Variants in TMEM131L observed in about 807,000 individuals in gnomAD.
The protein encoded by TMEM131L is transmembrane protein 131-like.
A neutral mutation model predicts 192.2 loss-of-function variants in TMEM131L; 54 were observed. That is an observed-to-expected ratio of 0.28 (90% CI 0.23 to 0.35). The LOEUF is 0.35. Ranked by LOEUF, TMEM131L falls within the 10% of genes least tolerant of loss-of-function variation. TMEM131L has a pLI of 1.00. For synonymous variants in TMEM131L, 701 were observed against 704.9 expected (o/e 0.99, Z 0.09); for missense variants, 1,888 against 1,972.9 (o/e 0.96, Z 0.82).
At chr4:153,510,506 A>C (rs1734280633) in intron 3 of TMEM131L, among the ~76,000 whole-genome samples, 1 of 152,118 alleles carries the variant, frequency 6.6e-6, no homozygotes, top group Non-Finnish European at 1.5e-5. Flanking sequence ...GGATAATTAA[A>C]ATACTGCTGG....
At chr4:153,536,676 G>A (rs953091303) in intron 3 of TMEM131L, among the ~76,000 whole-genome samples, 1 of 152,098 alleles carries the variant, frequency 6.6e-6, no homozygotes, top group African/African-American at 2.4e-5. Flanking sequence ...AGAATCGATC[G>A]ATCTATCTAG....
chr4:153,562,101 G>A lies in TMEM131L; in HGVS notation c.660+3733G>A, dbSNP rs148663346. On this transcript the variant is annotated intron_variant, in intron 7 of 34. Coordinates refer to ENST00000409959, the MANE Select transcript of TMEM131L (RefSeq NM_001131007.2). ...TGCCTAGGCTAGAGTGCAGTGGTGC[G>A]ATCTCAGCTCACTGCAACCTCCGCC... Among the ~76,000 whole-genome samples, 776 of 150,810 alleles carry A rather than the reference G, an allele frequency of 5.1e-3. 7 individuals are homozygous for A. The highest frequency in any genetic ancestry group is 0.018 in the African/African-American group (721 of 40,946).
chr4:153,525,202 T>C (rs1488447370), intron 3 of TMEM131L, among the ~76,000 whole-genome samples: 1 of 152,258 alleles, frequency 6.6e-6, no homozygotes, highest in African/African-American at 2.4e-5. Context: ...ATCAGGCATA[T>C]ATTGGAAAGT....
At chr4:153,538,320 C>T (rs555504466) in intron 3 of TMEM131L, among the ~76,000 whole-genome samples, 9 of 152,270 alleles carry the variant, frequency 5.9e-5, no homozygotes, top group East Asian at 3.9e-4. Context: ...GGTCCTTGTA[C>T]GTCCCTGCAG....
At chr4:153,486,150 C>T (rs1732315407) in intron 3 of TMEM131L, among the ~76,000 whole-genome samples, 1 of 151,958 alleles carries the variant, frequency 6.6e-6, no homozygotes, top group East Asian at 1.9e-4. Flanking sequence ...CTAGCAAATC[C>T]CTGAAAAAAA....
At chr4:153,575,518 AT>A (rs1305226076) in intron 7 of TMEM131L, among the ~76,000 whole-genome samples, 1 of 151,248 alleles carries the variant, frequency 6.6e-6, no homozygotes, top group Non-Finnish European at 1.5e-5. Context: ...GAAAAACCTG[AT>A]TTTTTTTTCT....
intron 3 of TMEM131L, among the ~76,000 whole-genome samples, chr4:153,477,918 A>T (rs1282695945): frequency 2.0e-5 from 3 of 152,210 alleles, no homozygotes; most frequent in African/African-American, 7.2e-5. Flanking sequence ...AAATTTTAGA[A>T]GAACATTTTG....
In TMEM131L at chr4:153,626,135, C is replaced by A. The variant is rs762050358; in HGVS notation, c.4046-12C>A. On this transcript the variant is annotated splice_polypyrimidine_tract_variant and intron_variant, in intron 29 of 34. Coordinates refer to ENST00000409959, the MANE Select transcript of TMEM131L (RefSeq NM_001131007.2). ...TTTTGAAACTTGTGATAATGTGTTT[C>A]TTTTAATGCAGGAGACAGTGTTTCA... is the stretch of plus-strand genomic sequence containing the variant. 2 of 1,582,430 alleles carry A rather than the reference C, an allele frequency of 1.3e-6. No individual in the cohort carries two copies. Among genetic ancestry groups the A allele is most frequent in the Admixed American group, 1.7e-5 (1 of 59,444 alleles).
At chr4:153,620,683 GTCTTCAAACATT>G in intron 26 of TMEM131L, 61 bp from the exon 27 acceptor site, 1 of 944,134 alleles carries the variant, frequency 1.1e-6, no homozygotes, top group East Asian at 3.0e-5. Context: ...GATGGAGTTG[GTCTTCAAACATT>G]TAAACATGTT....
intron 3 of TMEM131L, among the ~76,000 whole-genome samples, chr4:153,479,665 A>G (rs1731784966): frequency 6.6e-6 from 1 of 152,204 alleles, no homozygotes; most frequent in South Asian, 2.1e-4. Flanking sequence ...TTGTTTTTAA[A>G]ATGTACTTTT....
At chr4:153,518,166 C>T (rs1010345542) in intron 3 of TMEM131L, among the ~76,000 whole-genome samples, 3 of 152,104 alleles carry the variant, frequency 2.0e-5, no homozygotes, top group Admixed American at 6.6e-5. Context: ...GAATTGAGGC[C>T]GAGGTCAGTC....
At chr4:153,632,897 T>G in intron 32 of TMEM131L, 59 bp downstream of exon 32, 1 of 1,591,738 alleles carries the variant, frequency 6.3e-7, no homozygotes, top group African/African-American at 1.3e-5. Flanking sequence ...CAGTTGGAAT[T>G]TGAGTTCAGT....
Position 153,619,603 on chromosome 4 carries a change from T to G in TMEM131L, c.3568-1153T>G, listed in dbSNP as rs575986503. ...ACAAATCCCATTTTGCTTCTAGTTT[T>G]TATTTACTGTGGTGTGCACATTGCT... On this transcript the variant is annotated intron_variant, in intron 26 of 34. Transcript: ENST00000409959. Among the ~76,000 whole-genome samples, 20 of 152,388 alleles carry G rather than the reference T, an allele frequency of 1.3e-4. 1 individual carries two copies. The highest frequency in any genetic ancestry group is 4.6e-4 in the African/African-American group (19 of 41,592).
At chr4:153,514,898 C>T (rs1174349195) in intron 3 of TMEM131L, among the ~76,000 whole-genome samples, 4 of 152,000 alleles carry the variant, frequency 2.6e-5, no homozygotes, top group East Asian at 1.9e-4. Flanking sequence ...CTGCAACTTC[C>T]GCCTCCTGGG....
At chr4:153,617,086 GA>G (rs1733023757) in intron 26 of TMEM131L, among the ~76,000 whole-genome samples, 1 of 152,160 alleles carries the variant, frequency 6.6e-6, no homozygotes, top group South Asian at 2.1e-4. Flanking sequence ...GTCATGGGAG[GA>G]ACCCTATGGG....
At chr4:153,487,037 G>T (rs1732388752) in intron 3 of TMEM131L, among the ~76,000 whole-genome samples, 1 of 152,196 alleles carries the variant, frequency 6.6e-6, no homozygotes, top group African/African-American at 2.4e-5. Context: ...CCGGTTCTCA[G>T]ACCCCACCCC....
chr4:153,556,432 C>CT (rs1167535206), intron 5 of TMEM131L, among the ~76,000 whole-genome samples: 1 of 152,036 alleles, frequency 6.6e-6, no homozygotes, highest in African/African-American at 2.4e-5. Flanking sequence ...TTTCAGTGGT[C>CT]TTTAACATTT....
chr4:153,523,460 G>A (rs749827049), intron 3 of TMEM131L, among the ~76,000 whole-genome samples: 45 of 152,192 alleles, frequency 3.0e-4, no homozygotes, highest in Non-Finnish European at 5.6e-4. Context: ...AAATTCAGAA[G>A]GGAAATAGCA....
Position 153,558,383 on chromosome 4 carries a change from T to A in TMEM131L, c.660+15T>A, listed in dbSNP as rs931471382. On this transcript the variant is annotated intron_variant, in intron 7 of 34. Coordinates refer to ENST00000409959, the MANE Select transcript of TMEM131L (RefSeq NM_001131007.2). ...CTCAAATGCAGGTCATTTTAATAGA[T>A]TTACTTTGAATGCTGGTGGCCACCA... The A allele has an allele frequency of 6.6e-7, 1 of 1,504,016 alleles. No homozygotes were observed. The highest frequency in any genetic ancestry group is 1.7e-5 in the Admixed American group (1 of 58,806). 93.2% of individuals were successfully genotyped at this position (1,504,016 alleles called of 1,614,324 possible).
Sources: allele counts gnomAD v4.1 joint callset (sites outside exome capture counted in the v4.1 genomes callset), GRCh38; gene constraint gnomAD v4.1.1; transcripts MANE v1.5; gene names NCBI Gene and HGNC (gene_info 2026-07-23, HGNC 2026-07-21).